ZNF727: variants seen among roughly 807,000 people sequenced by gnomAD.
ZNF727 encodes putative zinc finger protein 727.
A neutral mutation model predicts 11.5 loss-of-function variants in ZNF727; 11 were observed. The observed-to-expected ratio is 0.95, with a 90% CI of 0.60 to 1.58. ZNF727 has a LOEUF of 1.58. Among genes scored for constraint, ZNF727 ranks in the 40% most tolerant of loss-of-function variants. The pLI is 0.00. For missense variants in ZNF727, 533 were observed against 581.7 expected, an observed-to-expected ratio of 0.92 and a Z score of 0.86; for synonymous variants, 171 against 196.1, an observed-to-expected ratio of 0.87 and a Z score of 1.07.
intron 1 of ZNF727, among the ~76,000 whole-genome samples, chr7:64,050,063 A>G (rs557049598): frequency 2.0e-5 from 3 of 152,032 alleles, no homozygotes; most frequent in South Asian, 2.1e-4. Flanking sequence ...CTACATATAT[A>G]TATTTTTCTA....
chr7:64,045,640 G>T lies in ZNF727; in HGVS notation c.3+16G>T. 1 of 1,559,386 alleles carries T rather than the reference G, an allele frequency of 6.4e-7. No individual in the cohort carries two copies. The highest frequency in any genetic ancestry group is 8.7e-7 in the Non-Finnish European group (1 of 1,151,386). On this transcript the variant is annotated intron_variant, in intron 1 of 3. Coordinates refer to ENST00000456806, the MANE Select transcript of ZNF727 (RefSeq NM_001159522.3). ...CTGGGAAATGGTGAGTGCGCGGAGT[G>T]GGTGTCCCGAGAAGGGGGAAGAGGC...
chr7:64,084,235 AAG>A lies in ZNF727; in HGVS notation c.*5690_*5691del, dbSNP rs1785838648. Among the ~76,000 whole-genome samples, 2 of 152,236 alleles carry A rather than the reference AAG, an allele frequency of 1.3e-5. No individual in the cohort carries two copies. The highest frequency in any genetic ancestry group is 1.3e-4 in the Admixed American group (2 of 15,288). ...TGATTAGGATAATATTCTGCATAGT[AAG>A]AGAAACAATTTGAATTTTAGAAGGA... On this transcript the variant is annotated 3_prime_UTR_variant, in exon 4 of 4. Coordinates refer to ENST00000456806, the MANE Select transcript of ZNF727 (RefSeq NM_001159522.3).
rs368915158 is a variant in ZNF727, at chr7:64,045,636, G to T, written c.3+12G>T. The T allele has an allele frequency of 2.3e-4, 355 of 1,559,496 alleles. 1 individual carries two copies. In the African/African-American group the frequency reaches 3.7e-3, roughly 16 times the overall value. On this transcript the variant is annotated intron_variant, in intron 1 of 3. Transcript: ENST00000456806. ...GAGGCTGGGAAATGGTGAGTGCGCGGAGTGGGTGTCCCGAGAAGGGGGAAG... is the reference window on the plus strand; with the variant it reads ...GAGGCTGGGAAATGGTGAGTGCGCGTAGTGGGTGTCCCGAGAAGGGGGAAG...
chr7:64,063,354 A>G (rs1789806585), intron 1 of ZNF727, among the ~76,000 whole-genome samples: 1 of 152,188 alleles, frequency 6.6e-6, no homozygotes, highest in African/African-American at 2.4e-5. Flanking sequence ...CAACCTGAAT[A>G]ACACTGTGAT....
intron 1 of ZNF727, among the ~76,000 whole-genome samples, chr7:64,067,695 T>C (rs1837336): frequency 0.69 from 105,077 of 151,808 alleles, 36,482 homozygotes; most frequent in Admixed American, 0.74. Flanking sequence ...AATGAGAACA[T>C]GTGGACACAG....
At chr7:64,071,586 C>T (rs546927612) in intron 3 of ZNF727, among the ~76,000 whole-genome samples, 42 of 151,930 alleles carry the variant, frequency 2.8e-4, no homozygotes, top group African/African-American at 5.8e-4. Context: ...TATGCAGAAG[C>T]GTTTTAGTTT....
rs201927068 is a variant in ZNF727 at position 64,078,291 on chromosome 7, CAAG to C, written c.1244_1246del (p.Lys415del). The C allele has an allele frequency of 1.6e-3, 2,495 of 1,587,526 alleles. 26 individuals carry two copies. The highest frequency in any genetic ancestry group is 0.016 in the East Asian group (677 of 43,140). On this transcript the variant is annotated inframe_deletion, in exon 4 of 4. Transcript: ENST00000456806. ...CCTGCTCCTCAAACCTTATTAAACA[CAAG>C]AGAATTCATATGGAAGTGAGACCTT... is the stretch of plus-strand genomic sequence containing the variant.
Position 64,078,124 on chromosome 7 carries a change from A to G in ZNF727, c.1075A>G (p.Lys359Glu), listed in dbSNP as rs1314148185. ...CTACTCCTCAACCCTTATTAGCCAC[A>G]AGAGAATTCATATGGAATTGAGACC... is the stretch of plus-strand genomic sequence containing the variant. ...FTYSSTLISH[K>E]RIHMELRPYK... Residue 359 changes from lysine to glutamate, a missense_variant, in exon 4 of 4, where the codon AAG becomes GAG. By Grantham distance (56) the Lys-to-Glu change is moderately conservative (BLOSUM62 1). Around this residue, in one of 3 missense-constraint regions of ZNF727, gnomAD observed 463 missense variants for 494.5 expected, o/e 0.94. Transcript: ENST00000456806. 6.2e-7 allele frequency: 1 copy of G among 1,604,408 alleles called. No homozygotes were observed. Among genetic ancestry groups the G allele is most frequent in the Non-Finnish European group, 8.5e-7 (1 of 1,175,056 alleles).
chr7:64,046,738 C>A (rs1340427507), intron 1 of ZNF727, among the ~76,000 whole-genome samples: 4 of 152,188 alleles, frequency 2.6e-5, no homozygotes, highest in Non-Finnish European at 5.9e-5. Context: ...CCGATTAATA[C>A]AAACAGTTTA....
rs61739411 is a variant in ZNF727 at position 64,077,405 on chromosome 7, G to A, written c.356G>A (p.Arg119His). ...TTACGTTTAAAGAAAGACTACCAAC[G>A]TGTGGGTAATTGCAAGGGGCAGAAA... is the stretch of plus-strand genomic sequence containing the variant. ...NTLRLKKDYQ[R>H]VGNCKGQKSS... is the part of the protein sequence containing the mutation. The change falls in exon 4 of 4, where the codon CGT becomes CAT. Residue 119 changes from arginine to histidine, a missense_variant. Physicochemically the swap from Arg to His is conservative, Grantham distance 29. Transcript: ENST00000456806. The A allele has an allele frequency of 0.014, 21,216 of 1,551,844 alleles. 1,442 individuals carry two copies. In the East Asian group the frequency reaches 0.19, roughly 14 times the overall value.
At position 64,078,296 on chromosome 7, in the gene ZNF727, G is replaced by T. The variant is rs775972972; in HGVS notation, c.1247G>T (p.Arg416Ile). 3.5e-5 allele frequency: 56 copies of T among 1,585,296 alleles called. 2 individuals are homozygous for T. In the East Asian group the frequency reaches 9.6e-4, roughly 27 times the overall value. The change falls in exon 4 of 4, where the codon AGA becomes ATA. Residue 416 changes from arginine to isoleucine, a missense_variant. Coordinates refer to ENST00000456806, the MANE Select transcript of ZNF727 (RefSeq NM_001159522.3). ...TCSSNLIKHK[R>I]IHMEVRPYKC... The stretch of plus-strand genomic sequence containing the variant: ...TCCTCAAACCTTATTAAACACAAGA[G>T]AATTCATATGGAAGTGAGACCTTAC...
intron 1 of ZNF727, among the ~76,000 whole-genome samples, chr7:64,056,265 G>A (rs373916084): frequency 6.6e-5 from 10 of 151,858 alleles, no homozygotes; most frequent in African/African-American, 2.4e-4. Context: ...TTTTTCCTTT[G>A]GGAATCATGT....
chr7:64,068,061 T>C (rs1458183636), intron 1 of ZNF727, among the ~76,000 whole-genome samples: 3 of 152,056 alleles, frequency 2.0e-5, no homozygotes, highest in Non-Finnish European at 2.9e-5. Flanking sequence ...TTAATGTTAA[T>C]CATAGCACAG....
Position 64,077,401 on chromosome 7 carries a change from C to A in ZNF727, c.352C>A (p.Gln118Lys). Reference sequence around the variant, plus strand: ...TACTTTACGTTTAAAGAAAGACTACCAACGTGTGGGTAATTGCAAGGGGCA... The same window carrying A: ...TACTTTACGTTTAAAGAAAGACTACAAACGTGTGGGTAATTGCAAGGGGCA... ...LNTLRLKKDYQRVGNCKGQKS... is the reference protein window; with the variant it reads ...LNTLRLKKDYKRVGNCKGQKS... Residue 118 changes from glutamine (Q) to lysine (K), a missense_variant, in exon 4 of 4, where the codon CAA becomes AAA. Transcript: ENST00000456806. 6.4e-7 allele frequency: 1 copy of A among 1,551,766 alleles called. No homozygotes were observed. Among genetic ancestry groups the A allele is most frequent in the Middle Eastern group, 1.7e-4 (1 of 5,994 alleles).
intron 1 of ZNF727, among the ~76,000 whole-genome samples, chr7:64,063,394 G>A (rs370133395): frequency 3.8e-3 from 574 of 151,306 alleles, no homozygotes; most frequent in South Asian, 0.017. Context: ...TACCACTTTG[G>A]TGGTCATAGG....
At position 64,069,607 on chromosome 7, in the gene ZNF727, C is replaced by A. The variant is rs779969086; in HGVS notation, c.224C>A (p.Pro75Gln). 1 of 1,558,854 alleles carries A rather than the reference C, an allele frequency of 6.4e-7. No homozygotes were observed. The highest frequency in any genetic ancestry group is 8.7e-7 in the Non-Finnish European group (1 of 1,149,882). Reference protein sequence around the residue: ...ARRQKTVAKHPAGSLHFTAEI... With the variant: ...ARRQKTVAKHQAGSLHFTAEI... ...AGACAGAAGACAGTAGCCAAACACC[C>A]AGGTAGGTGGGAGTGAGTGAAGCAA... is the stretch of plus-strand genomic sequence containing the variant. Residue 75 changes from proline to glutamine, a missense_variant and splice_region_variant, in exon 3 of 4, where the codon CCA becomes CAA. Pro to Gln is a moderately conservative substitution (Grantham distance 76). Around this residue, in one of 3 missense-constraint regions of ZNF727, gnomAD observed 463 missense variants for 494.5 expected, o/e 0.94. Transcript: ENST00000456806.
At chr7:64,048,595 A>G (rs1360783374) in intron 1 of ZNF727, among the ~76,000 whole-genome samples, 1 of 152,200 alleles carries the variant, frequency 6.6e-6, no homozygotes, top group Non-Finnish European at 1.5e-5. Context: ...GTACACAATA[A>G]AAAAGTATTT....
At chr7:64,069,090 C>A in intron 2 of ZNF727, 73 bp downstream of exon 2, 1 of 1,421,256 alleles carries the variant, frequency 7.0e-7, no homozygotes, top group South Asian at 1.6e-5. Context: ...TTTTGAAGTT[C>A]TGCTTTGCAT....
At position 64,045,573 on chromosome 7, in the gene ZNF727, G is replaced by A; in HGVS notation, c.-49G>A. On this transcript the variant is annotated 5_prime_UTR_variant, in exon 1 of 4. Transcript: ENST00000456806. ...GCCCCTGTTATCCTGTGACCTGCAGGTACTGGGAGATCCATAGGGAAGAAG... is the reference window on the plus strand; with the variant it reads ...GCCCCTGTTATCCTGTGACCTGCAGATACTGGGAGATCCATAGGGAAGAAG... 1 of 1,552,376 alleles carries A rather than the reference G, an allele frequency of 6.4e-7. No homozygotes were observed. Among genetic ancestry groups the A allele is most frequent in the Middle Eastern group, 1.7e-4 (1 of 5,992 alleles).
Sources: allele counts gnomAD v4.1 joint callset (sites outside exome capture counted in the v4.1 genomes callset), GRCh38; gene constraint gnomAD v4.1.1; regional missense constraint gnomAD v4.1.1; transcripts MANE v1.5; gene names NCBI Gene and HGNC (gene_info 2026-07-23, HGNC 2026-07-21).